The following NBPF20 variants were observed in gnomAD, a reference collection of about 807,000 sequenced individuals.
The protein encoded by NBPF20 is NBPF member 20.
NBPF20 carries 90 observed loss-of-function variants against 68.1 expected under a neutral mutation model. The observed-to-expected ratio is 1.32, with a 90% CI of 1.11 to 1.58. The LOEUF is 1.58. Among genes scored for constraint, NBPF20 ranks in the 40% most tolerant of loss-of-function variants. The pLI is 0.00. For synonymous variants in NBPF20, 290 were observed against 228.1 expected (o/e 1.27, Z -2.45); for missense variants, 816 against 601.2 (o/e 1.36, Z -3.74).
chr1:145,292,360 T>A (rs782675930), intron 137 of NBPF20, 21 bp downstream of exon 142: 13 of 666,752 alleles, frequency 1.9e-5, no homozygotes, highest in Non-Finnish European at 2.6e-5. Context: ...GAATTAAGCA[T>A]CCACAATTGC....
chr1:145,410,460 G>A (rs1166098259), upstream of NBPF20, among the ~76,000 whole-genome samples: 20 of 149,362 alleles, frequency 1.3e-4, no homozygotes, highest in Non-Finnish European at 1.9e-4. Flanking sequence ...GACTACAGGC[G>A]CCCGCCACTA....
intron 5 of NBPF20, among the ~76,000 whole-genome samples, 188 bp downstream of exon 10, chr1:145,400,870 CG>C (rs1435122728): frequency 6.6e-6 from 1 of 151,762 alleles, no homozygotes; most frequent in Admixed American, 6.5e-5. Flanking sequence ...ACGGTGCAGA[CG>C]TGACACTCGG....
chr1:145,395,544 C>A (rs1306433934), intron 7 of NBPF20, among the ~76,000 whole-genome samples: 2 of 148,224 alleles, frequency 1.3e-5, no homozygotes, highest in Non-Finnish European at 3.0e-5. Context: ...ATTAAGGGCC[C>A]CATTTTCCCA....
At chr1:145,404,610 A>G (rs1186696017) in intron 2 of NBPF20, among the ~76,000 whole-genome samples, 2 of 152,122 alleles carry the variant, frequency 1.3e-5, no homozygotes, top group African/African-American at 4.8e-5. Flanking sequence ...TTCTATTAGG[A>G]GCAGACTCCT....
chr1:145,414,861 A>C, the NBPF20 span, among the ~76,000 whole-genome samples: 2 of 149,298 alleles, frequency 1.3e-5, no homozygotes, highest in Admixed American at 1.3e-4. Flanking sequence ...TGGAAGAATA[A>C]AAATGGTTCA....
chr1:145,397,996 A>G (rs2101559253), intron 7 of NBPF20, among the ~76,000 whole-genome samples: 1 of 152,240 alleles, frequency 6.6e-6, no homozygotes, highest in East Asian at 1.9e-4. Context: ...GAAGGCCACT[A>G]CATAATGGTA....
intron 8 of NBPF20, among the ~76,000 whole-genome samples, chr1:145,394,672 A>G (rs1553663323): frequency 4.6e-5 from 7 of 151,584 alleles, no homozygotes; most frequent in African/African-American, 1.2e-4. Context: ...CTGACAGACA[A>G]CTCCTGGGCA....
exon 4 of NBPF20, chr1:145,402,356 G>T: frequency 6.2e-7 from 1 of 1,603,756 alleles, no homozygotes; most frequent in Non-Finnish European, 8.5e-7. Context: ...TCTCGTTCCT[G>T]AGCGTGAACC....
chr1:145,421,258 G>A, the NBPF20 span, among the ~76,000 whole-genome samples: 3 of 152,324 alleles, frequency 2.0e-5, no homozygotes, highest in South Asian at 2.1e-4. Context: ...CTTTGGAATC[G>A]CATCTACTGG....
intron 2 of NBPF20, 38 bp downstream of exon 7, chr1:145,405,060 A>C: frequency 6.2e-7 from 1 of 1,612,648 alleles, no homozygotes; most frequent in South Asian, 1.1e-5. Flanking sequence ...ACAGGACATC[A>C]TTCATCACTT....
intron 112 of NBPF20, among the ~76,000 whole-genome samples, chr1:145,311,929 G>A (rs1404044184): frequency 7.3e-5 from 8 of 110,044 alleles, no homozygotes; most frequent in African/African-American, 2.2e-4. Flanking sequence ...CAAAATCAGA[G>A]TTGTGTGAAT....
At chr1:145,314,413 GT>G (rs1661522587) in intron 109 of NBPF20, among the ~76,000 whole-genome samples, 1 of 71,094 alleles carries the variant, frequency 1.4e-5, no homozygotes, top group Non-Finnish European at 2.6e-5. Context: ...ATGTGCTCAA[GT>G]TTCCATGCAG....
chr1:145,292,017 C>T lies in NBPF20; in HGVS notation c.16698-248G>A, dbSNP rs186950454. Among the ~76,000 whole-genome samples, 16 of 149,076 alleles carry T rather than the reference C, an allele frequency of 1.1e-4. 1 individual carries two copies. The highest frequency in any genetic ancestry group is 3.9e-4 in the African/African-American group (15 of 38,594). On this transcript the variant is annotated intron_variant, in intron 137 of 137. Transcript: ENST00000369373. ...GAGAGAAAGTGACCTAGTGAATTGC[C>T]CAGGTGACATACTGGTAAGGGAGTC...
rs1416179941 is a variant in NBPF20 at position 145,291,461 on chromosome 1, C to A, written c.*65G>T. 8.7e-6 allele frequency: 14 copies of A among 1,611,816 alleles called. No individual in the cohort carries two copies. The East Asian group carries it at 2.2e-4, about 26-fold the overall frequency. ...TTCCAAATGGAACTGTACTTTCATT[C>A]AAATCTTCACGTGCCTATAGGTCCT... On this transcript the variant is annotated 3_prime_UTR_variant, in exon 138 of 138. Coordinates refer to ENST00000369373, the Ensembl canonical transcript of NBPF20.
chr1:145,395,597 G>C (rs1662190080), intron 7 of NBPF20, among the ~76,000 whole-genome samples: 1 of 149,410 alleles, frequency 6.7e-6, no homozygotes, highest in African/African-American at 2.6e-5. Flanking sequence ...TTCTTTTCTT[G>C]CAAAAATACT....
At chr1:145,407,428 CGTATACAT>C (rs1313759742), upstream of NBPF20, among the ~76,000 whole-genome samples, 980 of 144,512 alleles carry the variant, frequency 6.8e-3, 18 homozygotes, top group Non-Finnish European at 9.9e-3. Context: ...CATGTATACA[CGTATACAT>C]GTATACATGT....
Position 145,309,460 on chromosome 1 carries a change from A to C in NBPF20, c.13938-212T>G, listed in dbSNP as rs1180920031. Among the ~76,000 whole-genome samples the C allele has an allele frequency of 7.6e-5, 5 of 65,898 alleles. 2 individuals are homozygous for C. Among genetic ancestry groups the C allele is most frequent in the African/African-American group, 3.8e-4 (5 of 13,306 alleles). The allele number at this position is 65,898 out of a possible 152,430, so 43.2% of individuals were successfully genotyped here. On this transcript the variant is annotated intron_variant, in intron 115 of 137. Transcript: ENST00000369373. Reference sequence around the variant, plus strand: ...AAGACAGATAGACACACACACACACACACACACACACACACACACAGACAC... The same window carrying C: ...AAGACAGATAGACACACACACACACCCACACACACACACACACACAGACAC...
rs1447094467 is a variant in NBPF20 at position 145,393,325 on chromosome 1, C to T, written c.1044-79G>A. The stretch of plus-strand genomic sequence containing the variant: ...AGCCCCAGCTAGATTTCATGGCTAA[C>T]GTAAGGAAGAGTTTGAAAAGAAAAA... On this transcript the variant is annotated intron_variant, in intron 9 of 137. Coordinates refer to ENST00000369373, the Ensembl canonical transcript of NBPF20. The T allele has an allele frequency of 7.8e-4, 531 of 680,590 alleles. 1 individual carries two copies. In the African/African-American group the frequency reaches 8.1e-3, roughly 10 times the overall value. 42.2% of individuals were successfully genotyped at this position (680,590 alleles called of 1,614,324 possible).
chr1:145,399,395 CA>C (rs1662405701), intron 6 of NBPF20, among the ~76,000 whole-genome samples: 1 of 152,086 alleles, frequency 6.6e-6, no homozygotes, highest in Non-Finnish European at 1.5e-5. Flanking sequence ...ATTGGTCAAA[CA>C]ATTTTCTAAG....
Sources: allele counts gnomAD v4.1 joint callset (sites outside exome capture counted in the v4.1 genomes callset), GRCh38; gene constraint gnomAD v4.1.1; transcripts MANE v1.5; gene names NCBI Gene and HGNC (gene_info 2026-07-23, HGNC 2026-07-21).